NRG1: variants seen among roughly 807,000 people sequenced by gnomAD.
The protein encoded by NRG1 is pro-neuregulin-1, membrane-bound isoform.
In NRG1, 18 loss-of-function variants were observed where a neutral mutation model predicts 63.8. The ratio of observed to expected loss-of-function variants is 0.28; its 90% confidence interval spans 0.19 to 0.42. NRG1 has a LOEUF of 0.42. Ranked by LOEUF, NRG1 falls within the 10% of genes least tolerant of loss-of-function variation. The pLI, the probability that NRG1 is intolerant of heterozygous loss-of-function variation, is 1.00. For synonymous variants in NRG1, 302 were observed against 301.3 expected (o/e 1.00, Z -0.02); for missense variants, 762 against 814.7 (o/e 0.94, Z 0.79).
At chr8:32,727,705 A>G (rs1258170990) in intron 5 of NRG1, among the ~76,000 whole-genome samples, 2 of 152,190 alleles carry the variant, frequency 1.3e-5, no homozygotes, top group African/African-American at 4.8e-5. Context: ...AAAAATGTTG[A>G]GCCTCTTTTC....
At chr8:32,073,035 C>A (rs893076074) in intron 1 of NRG1, among the ~76,000 whole-genome samples, 1 of 151,904 alleles carries the variant, frequency 6.6e-6, no homozygotes, top group African/African-American at 2.4e-5. Context: ...AAAGAGATAG[C>A]CTGAGGTTAT....
chr8:32,382,779 A>G (rs1268615786), intron 1 of NRG1, among the ~76,000 whole-genome samples: 1 of 152,218 alleles, frequency 6.6e-6, no homozygotes, highest in Non-Finnish European at 1.5e-5. Flanking sequence ...TGATACAGTC[A>G]GCAAATACTT....
chr8:31,844,368 T>A (rs1826477888), intron 1 of NRG1, among the ~76,000 whole-genome samples: 1 of 152,186 alleles, frequency 6.6e-6, no homozygotes, highest in African/African-American at 2.4e-5. Flanking sequence ...TGGTGCCTCT[T>A]ACTGGCTTGT....
chr8:32,338,029 C>T (rs567412968), intron 1 of NRG1, among the ~76,000 whole-genome samples: 1 of 152,116 alleles, frequency 6.6e-6, no homozygotes, highest in Non-Finnish European at 1.5e-5. Flanking sequence ...ATACACAGTG[C>T]CTGAAATGTA....
intron 1 of NRG1, among the ~76,000 whole-genome samples, chr8:32,525,032 C>T (rs982102725): frequency 7.9e-5 from 12 of 152,134 alleles, no homozygotes; most frequent in East Asian, 5.8e-4. Flanking sequence ...AGAGCTATGC[C>T]GATTTACCGC....
chr8:31,743,921 C>T (rs151213647), intron 1 of NRG1, among the ~76,000 whole-genome samples: 5 of 151,910 alleles, frequency 3.3e-5, no homozygotes, highest in East Asian at 1.9e-4. Flanking sequence ...GTTTTGAAGC[C>T]GAGGAATAGT....
chr8:32,567,817 G>T (rs1837741990), intron 1 of NRG1, among the ~76,000 whole-genome samples: 1 of 152,234 alleles, frequency 6.6e-6, no homozygotes, highest in African/African-American at 2.4e-5. Flanking sequence ...AAGCGTCTTT[G>T]CTTTGGAGTG....
intron 1 of NRG1, among the ~76,000 whole-genome samples, chr8:32,004,809 G>C (rs1813487327): frequency 1.3e-5 from 2 of 151,798 alleles, no homozygotes; most frequent in Admixed American, 6.6e-5. Context: ...ATGGGATGGA[G>C]AGTGTGAACA....
chr8:31,748,610 A>G (rs569512520), intron 1 of NRG1, among the ~76,000 whole-genome samples: 1 of 152,088 alleles, frequency 6.6e-6, no homozygotes, highest in South Asian at 2.1e-4. Context: ...AGACCTAGAT[A>G]CAGACAACAG....
intron 1 of NRG1, among the ~76,000 whole-genome samples, chr8:32,492,217 G>C (rs1411861462): frequency 2.0e-5 from 3 of 152,152 alleles, no homozygotes; most frequent in African/African-American, 7.2e-5. Flanking sequence ...ACATGCTCAA[G>C]GTGGCCAATA....
chr8:32,047,760 A>G (rs1284210151), intron 1 of NRG1, among the ~76,000 whole-genome samples: 1 of 151,972 alleles, frequency 6.6e-6, no homozygotes, highest in Non-Finnish European at 1.5e-5. Context: ...TTAGATAGTT[A>G]CCATTTTTGT....
intron 1 of NRG1, among the ~76,000 whole-genome samples, chr8:32,072,062 T>C (rs1825827338): frequency 6.6e-6 from 1 of 152,094 alleles, no homozygotes; most frequent in African/African-American, 2.4e-5. Flanking sequence ...TGAAAAGATA[T>C]GCCACATAAC....
At chr8:32,755,154 A>G (rs551880449) in intron 8 of NRG1, among the ~76,000 whole-genome samples, 11 of 152,324 alleles carry the variant, frequency 7.2e-5, no homozygotes, top group African/African-American at 2.6e-4. Context: ...CATAAGAGAG[A>G]AAACATTAGA....
chr8:31,997,182 AC>A (rs1812135781), intron 1 of NRG1, among the ~76,000 whole-genome samples: 1 of 95,526 alleles, frequency 1.0e-5, no homozygotes, highest in Admixed American at 1.1e-4. Context: ...ATATAGTGTA[AC>A]CTTTTTTTTT....
intron 1 of NRG1, among the ~76,000 whole-genome samples, chr8:31,896,232 C>T (rs769397622): frequency 6.6e-6 from 1 of 152,114 alleles, no homozygotes; most frequent in Non-Finnish European, 1.5e-5. Context: ...GATCAAACAT[C>T]TTTAGTAGCA....
At chr8:32,647,662 C>T in intron 5 of NRG1, 1 of 1,501,370 alleles carries the variant, frequency 6.7e-7, no homozygotes, top group South Asian at 1.4e-5. Context: ...GTTGGGGGGG[C>T]CTCTGCGTGG....
At chr8:31,945,177 C>G (rs1170162301) in intron 1 of NRG1, among the ~76,000 whole-genome samples, 1 of 152,184 alleles carries the variant, frequency 6.6e-6, no homozygotes, top group Non-Finnish European at 1.5e-5. Context: ...TTCCCCATAA[C>G]AATTTCTGAT....
chr8:31,911,593 G>A (rs540142013), intron 1 of NRG1, among the ~76,000 whole-genome samples: 3 of 152,118 alleles, frequency 2.0e-5, no homozygotes, highest in Non-Finnish European at 4.4e-5. Flanking sequence ...AGATGGAGGA[G>A]GGAGAGAATC....
At chr8:32,454,642 C>T in intron 1 of NRG1, among the ~76,000 whole-genome samples, 1 of 138,406 alleles carries the variant, frequency 7.2e-6, no homozygotes, top group East Asian at 2.2e-4. Context: ...AACCTCCTAC[C>T]TTGGCCTCCC....
Sources: allele counts gnomAD v4.1 joint callset (sites outside exome capture counted in the v4.1 genomes callset), GRCh38; gene constraint gnomAD v4.1.1; transcripts MANE v1.5; gene names NCBI Gene and HGNC (gene_info 2026-07-23, HGNC 2026-07-21).